The following RBMS3 variants were observed in gnomAD, a reference collection of about 807,000 sequenced individuals.
The protein encoded by RBMS3 is RNA binding motif single stranded interacting protein 3, also known as RNA-binding motif, single-stranded-interacting protein 3.
Under a neutral mutation model 66.8 loss-of-function variants are expected in RBMS3, and 27 were observed. That is an observed-to-expected ratio of 0.40 (90% CI 0.30 to 0.56). The LOEUF is 0.56. RBMS3 is among the 20% of genes least tolerant of loss of function. The pLI is 0.40. For synonymous variants in RBMS3, 188 were observed against 183.0 expected, an observed-to-expected ratio of 1.03 and a Z score of -0.22; for missense variants, 513 against 549.5, an observed-to-expected ratio of 0.93 and a Z score of 0.66.
intron 4 of RBMS3, among the ~76,000 whole-genome samples, chr3:29,652,896 T>A (rs981729530): frequency 6.6e-6 from 1 of 152,276 alleles, no homozygotes; most frequent in East Asian, 1.9e-4. Flanking sequence ...TTTCAATTTC[T>A]TTGGTGTAAA....
In RBMS3 at chr3:29,946,307, AAT is replaced by A. The variant is rs1317738356; in HGVS notation, c.1098+2056_1098+2057del. 2.6e-5 allele frequency among the ~76,000 whole-genome samples: 4 copies of A among 151,866 alleles called. No homozygotes were observed. The East Asian group carries it at 5.8e-4, about 22-fold the overall frequency. On this transcript the variant is annotated intron_variant, in intron 12 of 14. Coordinates refer to ENST00000383767, the MANE Select transcript of RBMS3 (RefSeq NM_001003793.3). ...GTAATATCTCCTTCCCAAATCTTCCAATATGTCAATATTGGACAAAACAAATA... is the reference window on the plus strand; with the variant it reads ...GTAATATCTCCTTCCCAAATCTTCCAATGTCAATATTGGACAAAACAAATA...
At chr3:29,699,568 T>C (rs770753984) in intron 4 of RBMS3, among the ~76,000 whole-genome samples, 2 of 152,214 alleles carry the variant, frequency 1.3e-5, no homozygotes, top group Admixed American at 6.5e-5. Flanking sequence ...CACATACAAC[T>C]CTAAAAGCGT....
chr3:29,534,511 GC>G (rs2045478912), intron 3 of RBMS3, among the ~76,000 whole-genome samples: 1 of 152,098 alleles, frequency 6.6e-6, no homozygotes, highest in Non-Finnish European at 1.5e-5. Flanking sequence ...TTTCTTACAG[GC>G]ATATCACAGG....
intron 1 of RBMS3, among the ~76,000 whole-genome samples, chr3:29,405,009 A>T (rs1459092428): frequency 1.3e-5 from 2 of 152,158 alleles, no homozygotes; most frequent in East Asian, 3.9e-4. Flanking sequence ...GAAAACATTT[A>T]TCTAGAGTTA....
Position 30,007,572 on chromosome 3 carries a change from T to A in RBMS3, c.*3710T>A, listed in dbSNP as rs774322940. 2.0e-5 allele frequency: 3 copies of A among 152,006 alleles called. No homozygotes were observed. The highest frequency in any genetic ancestry group is 4.4e-5 in the Non-Finnish European group (3 of 67,946). The allele number at this position is 152,006 out of a possible 1,614,324, so 9.4% of individuals were successfully genotyped here. On this transcript the variant is annotated 3_prime_UTR_variant, in exon 15 of 15. Coordinates refer to ENST00000383767, the MANE Select transcript of RBMS3 (RefSeq NM_001003793.3). ...TGGTATTGTCAAGGGAGGCAAAGTG[T>A]TCATGGTAACTTGGAGCTCCCCAAT... is the stretch of plus-strand genomic sequence containing the variant.
intron 14 of RBMS3, among the ~76,000 whole-genome samples, chr3:29,993,899 T>TTAAAAAATCTCTGTATCG (rs1265270052): frequency 6.6e-6 from 1 of 152,156 alleles, no homozygotes; most frequent in Non-Finnish European, 1.5e-5. Context: ...ATTTCTTATT[T>TTAAAAAATCTCTGTATCG]TAAAAAATCT....
chr3:29,524,343 T>C (rs188959638), intron 3 of RBMS3, among the ~76,000 whole-genome samples: 6 of 152,162 alleles, frequency 3.9e-5, no homozygotes, highest in East Asian at 1.9e-4. Flanking sequence ...CTGATGATGC[T>C]TTTTTATGTA....
intron 3 of RBMS3, among the ~76,000 whole-genome samples, chr3:29,575,315 T>C (rs891923942): frequency 1.9e-4 from 29 of 151,888 alleles, no homozygotes; most frequent in African/African-American, 7.0e-4. Flanking sequence ...ACTTTAAATA[T>C]GTCATGCCAC....
chr3:29,424,600 G>T (rs1034880945), intron 1 of RBMS3, among the ~76,000 whole-genome samples: 1 of 152,118 alleles, frequency 6.6e-6, no homozygotes, highest in African/African-American at 2.4e-5. Context: ...TTGTTGAATT[G>T]CTCCTGTGTC....
intron 5 of RBMS3, among the ~76,000 whole-genome samples, chr3:29,741,705 C>T (rs1477394414): frequency 1.3e-5 from 2 of 152,166 alleles, no homozygotes; most frequent in African/African-American, 4.8e-5. Flanking sequence ...AACAAAATGT[C>T]ACGGAACAGT....
chr3:29,613,144 AATGAAC>A (rs2048548904), intron 4 of RBMS3, among the ~76,000 whole-genome samples: 1 of 152,126 alleles, frequency 6.6e-6, no homozygotes, highest in South Asian at 2.1e-4. Context: ...ATAATACTGC[AATGAAC>A]ATGAGAGTGC....
chr3:29,731,874 G>A (rs954839045), intron 4 of RBMS3, among the ~76,000 whole-genome samples: 3 of 151,326 alleles, frequency 2.0e-5, no homozygotes, highest in Non-Finnish European at 4.4e-5. Flanking sequence ...GTCTCTCTCT[G>A]TCCTTCTGTC....
At chr3:29,691,527 A>G (rs1164970870) in intron 4 of RBMS3, among the ~76,000 whole-genome samples, 1 of 152,198 alleles carries the variant, frequency 6.6e-6, no homozygotes, top group African/African-American at 2.4e-5. Flanking sequence ...ATAGCCAATC[A>G]TTTGTTTAAT....
intron 2 of RBMS3, among the ~76,000 whole-genome samples, chr3:29,471,718 GT>G (rs397793236): frequency 0.24 from 17,040 of 70,946 alleles, 697 homozygotes; most frequent in Non-Finnish European, 0.28. Flanking sequence ...TGAGGACTTA[GT>G]TTTTTTTTTT....
intron 1 of RBMS3, among the ~76,000 whole-genome samples, chr3:29,322,128 A>T (rs1233117786): frequency 2.0e-5 from 3 of 149,200 alleles, no homozygotes; most frequent in Non-Finnish European, 3.0e-5. Flanking sequence ...CCTCTCTTTT[A>T]TTTTTTTTTC....
At chr3:29,446,450 C>G (rs1292951113) in intron 2 of RBMS3, among the ~76,000 whole-genome samples, 1 of 151,874 alleles carries the variant, frequency 6.6e-6, no homozygotes, top group African/African-American at 2.4e-5. Context: ...ATTTAGTAAC[C>G]ATAGATCCTT....
At chr3:29,593,645 T>C (rs191994449) in intron 4 of RBMS3, among the ~76,000 whole-genome samples, 1 of 152,236 alleles carries the variant, frequency 6.6e-6, no homozygotes, top group African/African-American at 2.4e-5. Context: ...GAAATCCCTA[T>C]ATGCTATCAT....
intron 6 of RBMS3, among the ~76,000 whole-genome samples, chr3:29,853,621 T>C (rs1174353423): frequency 6.6e-6 from 1 of 151,986 alleles, no homozygotes; most frequent in Non-Finnish European, 1.5e-5. Context: ...TTTTCCCTAA[T>C]TAGCATTTTA....
intron 1 of RBMS3, among the ~76,000 whole-genome samples, chr3:29,374,154 C>T (rs565739611): frequency 1.3e-5 from 2 of 152,238 alleles, no homozygotes; most frequent in Admixed American, 6.5e-5. Context: ...ACAACCAATC[C>T]AAAACGGCAG....
Sources: gnomAD v4.1 joint callset for allele counts (sites outside exome capture counted in the v4.1 genomes callset) on GRCh38, gnomAD v4.1.1 for gene constraint, MANE v1.5 for transcripts, NCBI Gene and HGNC (gene_info 2026-07-23, HGNC 2026-07-21) for gene names.